SIM1: variants seen among roughly 807,000 people sequenced by gnomAD.
The protein encoded by SIM1 is single-minded homolog 1.
Under a neutral mutation model 78.2 loss-of-function variants are expected in SIM1, and 18 were observed. That is an observed-to-expected ratio of 0.23 (90% CI 0.16 to 0.34). The LOEUF (loss-of-function observed/expected upper bound fraction) is 0.34. SIM1 is among the 10% of genes least tolerant of loss of function. SIM1 has a pLI of 1.00. For synonymous variants in SIM1, 417 were observed against 385.2 expected (o/e 1.08, Z -0.97); for missense variants, 939 against 975.1 (o/e 0.96, Z 0.49).
intron 2 of SIM1, among the ~76,000 whole-genome samples, chr6:100,458,632 T>A (rs1484006326): frequency 6.6e-6 from 1 of 152,186 alleles, no homozygotes; most frequent in African/African-American, 2.4e-5. Context: ...AGCTAGGCCC[T>A]TGGCTGGGGC....
intron 11 of SIM1, among the ~76,000 whole-genome samples, chr6:100,391,692 G>A (rs1052741778): frequency 3.3e-5 from 5 of 152,034 alleles, no homozygotes; most frequent in African/African-American, 1.2e-4. Context: ...AGTATTTGAA[G>A]GTTAAAAATA....
intron 5 of SIM1, 50 bp downstream of exon 5, chr6:100,449,541 A>G (rs976257723): frequency 3.1e-6 from 5 of 1,593,316 alleles, no homozygotes; most frequent in Non-Finnish European, 3.4e-6. Flanking sequence ...GGGAAAAACC[A>G]CAAGCGGACT....
intron 9 of SIM1, among the ~76,000 whole-genome samples, chr6:100,426,938 A>G (rs987544808): frequency 3.9e-5 from 6 of 152,228 alleles, no homozygotes; most frequent in Non-Finnish European, 8.8e-5. Context: ...TTACCAAGGA[A>G]ACGTGGAAAC....
At position 100,393,652 on chromosome 6, in the gene SIM1, C is replaced by T; in HGVS notation, c.1405G>A (p.Gly469Arg). ...ERHFHTQACE[G>R]GRCEAGRYFL... ...TACCTGCCTGCCTCACATCGGCCTC[C>T]TTCACAGGCCTGGGTATGGAAATGC... The change falls in exon 11 of 12, where the codon GGA becomes AGA. Residue 469 changes from glycine (G) to arginine (R), a missense_variant. By Grantham distance (125) the Gly-to-Arg change is moderately radical (BLOSUM62 -2). This residue lies in a region of SIM1 where 556 missense variants were observed against 521.9 expected (regional missense o/e 1.07). Transcript: ENST00000369208. 1 of 1,614,140 alleles carries T rather than the reference C, an allele frequency of 6.2e-7. No homozygotes were observed.
intron 10 of SIM1, among the ~76,000 whole-genome samples, chr6:100,396,813 T>C (rs1770780267): frequency 6.6e-6 from 1 of 152,154 alleles, no homozygotes; most frequent in Admixed American, 6.5e-5. Flanking sequence ...TCATTAAATA[T>C]TTGAGGAAAG....
chr6:100,457,314 G>T (rs1364196825), intron 2 of SIM1, among the ~76,000 whole-genome samples: 1 of 152,204 alleles, frequency 6.6e-6, no homozygotes, highest in Non-Finnish European at 1.5e-5. Context: ...AACTAATTGA[G>T]GTGCCTTGTA....
intron 10 of SIM1, among the ~76,000 whole-genome samples, chr6:100,405,555 AT>A (rs1228894918): frequency 3.3e-5 from 5 of 151,984 alleles, no homozygotes; most frequent in East Asian, 1.9e-4. Flanking sequence ...ATTTATCCTG[AT>A]TTTTTTACCT....
chr6:100,463,414 C>T lies in SIM1; in HGVS notation c.55G>A (p.Glu19Lys), dbSNP rs1772905193. 1.9e-6 allele frequency: 3 copies of T among 1,613,998 alleles called. No individual in the cohort carries two copies. The East Asian group carries it at 6.7e-5, about 36-fold the overall frequency. ...ARTRREKENS[E>K]FYELAKLLPL... ...AGTAATTTAGCCAGTTCATAAAATT[C>T]ACTGTTTTCCTTCTCCCTCCTAGTC... The change falls in exon 2 of 12, where the codon GAA (glutamate) becomes AAA (lysine). Residue 19 changes from glutamate to lysine, a missense_variant. Physicochemically the swap from Glu to Lys is moderately conservative, Grantham distance 56. Coordinates refer to ENST00000369208, the MANE Select transcript of SIM1 (RefSeq NM_005068.3).
At chr6:100,428,376 C>T (rs906012255) in intron 9 of SIM1, among the ~76,000 whole-genome samples, 3 of 151,916 alleles carry the variant, frequency 2.0e-5, no homozygotes, top group African/African-American at 7.3e-5. Flanking sequence ...AATATATCTA[C>T]AATAGAAAAA....
At chr6:100,424,418 G>T (rs1342708032) in intron 9 of SIM1, among the ~76,000 whole-genome samples, 1 of 151,776 alleles carries the variant, frequency 6.6e-6, no homozygotes, top group African/African-American at 2.4e-5. Flanking sequence ...TATGGATTTG[G>T]TGAATTTTTT....
chr6:100,390,226 G>A lies in SIM1; in HGVS notation c.*135C>T, dbSNP rs975679018. On this transcript the variant is annotated 3_prime_UTR_variant, in exon 12 of 12. Transcript: ENST00000369208. Reference sequence around the variant, plus strand: ...GTGCTATGTTTTCTTTGATTTTATAGGAACACGTATCAAATACCCAGTAAC... The same window carrying A: ...GTGCTATGTTTTCTTTGATTTTATAAGAACACGTATCAAATACCCAGTAAC... 7.5e-5 allele frequency: 71 copies of A among 950,170 alleles called. No individual in the cohort carries two copies. The African/African-American group carries it at 1.1e-3, about 14-fold the overall frequency. 58.9% of individuals were successfully genotyped at this position (950,170 alleles called of 1,614,324 possible).
At chr6:100,395,847 T>A (rs1169252415) in intron 10 of SIM1, among the ~76,000 whole-genome samples, 1 of 152,240 alleles carries the variant, frequency 6.6e-6, no homozygotes. Flanking sequence ...CTCCAAAGTA[T>A]GCCAATATAG....
chr6:100,411,107 G>T (rs1771180980), intron 10 of SIM1, among the ~76,000 whole-genome samples: 2 of 152,178 alleles, frequency 1.3e-5, no homozygotes, highest in South Asian at 4.1e-4. Context: ...TCTAGAAAGA[G>T]ACTAGTTATC....
intron 10 of SIM1, among the ~76,000 whole-genome samples, chr6:100,420,013 G>C (rs894359967): frequency 1.3e-5 from 2 of 152,146 alleles, no homozygotes; most frequent in African/African-American, 4.8e-5. Context: ...GGTATGAGAT[G>C]ATGCTATTAA....
At chr6:100,458,287 G>C (rs976250430) in intron 2 of SIM1, among the ~76,000 whole-genome samples, 1 of 152,210 alleles carries the variant, frequency 6.6e-6, no homozygotes, top group African/African-American at 2.4e-5. Flanking sequence ...GTCGCCCTGG[G>C]ACTCCGGGTC....
intron 2 of SIM1, among the ~76,000 whole-genome samples, chr6:100,454,085 C>T (rs897115220): frequency 6.6e-6 from 1 of 152,260 alleles, no homozygotes; most frequent in Non-Finnish European, 1.5e-5. Context: ...CCAAGGGCCC[C>T]CTGGTAGGAC....
At chr6:100,433,671 A>T (rs1331909337) in intron 9 of SIM1, among the ~76,000 whole-genome samples, 1 of 151,894 alleles carries the variant, frequency 6.6e-6, no homozygotes, top group Non-Finnish European at 1.5e-5. Flanking sequence ...TGGGAGGTCG[A>T]GGTGCGGTGA....
intron 10 of SIM1, among the ~76,000 whole-genome samples, chr6:100,412,000 C>A (rs1771202772): frequency 6.6e-6 from 1 of 151,958 alleles, no homozygotes; most frequent in Non-Finnish European, 1.5e-5. Flanking sequence ...AGAGAGAATG[C>A]GGGGAAGGTT....
At position 100,412,588 on chromosome 6, in the gene SIM1, AAAG is replaced by A. The variant is rs1433673520; in HGVS notation, c.1167+8199_1167+8201del. On this transcript the variant is annotated intron_variant, in intron 10 of 11. Coordinates refer to ENST00000369208, the MANE Select transcript of SIM1 (RefSeq NM_005068.3). ...GAAAGAAAGAAAGAAAGAAAGAAAG[AAAG>A]AAAGAAAGAAAGAAAGAAAGGAAAG... is the stretch of plus-strand genomic sequence containing the variant. Among the ~76,000 whole-genome samples the A allele has an allele frequency of 7.8e-5, 9 of 115,732 alleles. 2 individuals are homozygous for A. Among genetic ancestry groups the A allele is most frequent in the East Asian group, 8.7e-4 (2 of 2,312 alleles). 75.9% of individuals were successfully genotyped at this position (115,732 alleles called of 152,430 possible).
Sources: gnomAD v4.1 joint callset for allele counts (sites outside exome capture counted in the v4.1 genomes callset) on GRCh38, gnomAD v4.1.1 for gene constraint, gnomAD v4.1.1 regional missense constraint, MANE v1.5 for transcripts, NCBI Gene and HGNC (gene_info 2026-07-23, HGNC 2026-07-21) for gene names.